Variants in EYA2 observed in about 807,000 individuals in gnomAD.
EYA2 encodes EYA transcriptional coactivator and phosphatase 2.
EYA2 carries 31 observed loss-of-function variants against 69.2 expected under a neutral mutation model. That is an observed-to-expected ratio of 0.45 (90% CI 0.34 to 0.60). The LOEUF (loss-of-function observed/expected upper bound fraction) is 0.60, where lower values mean the gene tolerates loss of function less well. Ranked by LOEUF, EYA2 falls within the 20% of genes least tolerant of loss-of-function variation. The pLI, the probability that EYA2 is intolerant of heterozygous loss-of-function variation, is 0.02. For synonymous variants in EYA2, 257 were observed against 279.4 expected, an observed-to-expected ratio of 0.92 and a Z score of 0.80; for missense variants, 622 against 701.2, an observed-to-expected ratio of 0.89 and a Z score of 1.28.
intron 1 of EYA2, among the ~76,000 whole-genome samples, chr20:46,950,822 T>C (rs1285772661): frequency 2.0e-5 from 3 of 152,064 alleles, no homozygotes; most frequent in African/African-American, 7.2e-5. Flanking sequence ...CCAGTGCCAA[T>C]AGTTCATTTA....
chr20:47,060,449 C>T (rs2030826902), intron 5 of EYA2, among the ~76,000 whole-genome samples: 1 of 152,168 alleles, frequency 6.6e-6, no homozygotes, highest in African/African-American at 2.4e-5. Flanking sequence ...TTCCCAGAAG[C>T]CCCCTTGGCC....
At chr20:46,907,074 A>C (rs6066106) in intron 1 of EYA2, among the ~76,000 whole-genome samples, 1 of 152,114 alleles carries the variant, frequency 6.6e-6, no homozygotes. Context: ...CATTGATGAC[A>C]TGAAAATAAC....
intron 1 of EYA2, among the ~76,000 whole-genome samples, chr20:46,929,419 C>CTT (rs10693379): frequency 0.32 from 47,753 of 148,754 alleles, 8,216 homozygotes; most frequent in South Asian, 0.42. Context: ...TGAGAAGGGG[C>CTT]TTTTTTTTTG....
At chr20:47,022,633 T>C (rs999124155) in intron 5 of EYA2, among the ~76,000 whole-genome samples, 6 of 146,556 alleles carry the variant, frequency 4.1e-5, no homozygotes, top group Non-Finnish European at 7.5e-5. Flanking sequence ...AACTGAGATA[T>C]AACTCACATC....
chr20:47,019,049 TA>T (rs1568727567), intron 5 of EYA2, among the ~76,000 whole-genome samples: 1 of 152,208 alleles, frequency 6.6e-6, no homozygotes, highest in Non-Finnish European at 1.5e-5. Context: ...TTCAGTCACT[TA>T]CCCAAGGTCA....
Position 47,120,781 on chromosome 20 carries a change from C to G in EYA2, c.889-22278C>G, listed in dbSNP as rs80100964. ...GGCACTGAGAGTGCTCTGGAAGGAACGCACACGGTCTGGAGATAGCTAAAG... is the reference window on the plus strand; with the variant it reads ...GGCACTGAGAGTGCTCTGGAAGGAAGGCACACGGTCTGGAGATAGCTAAAG... On this transcript the variant is annotated intron_variant, in intron 9 of 15. Coordinates refer to ENST00000327619, the MANE Select transcript of EYA2 (RefSeq NM_005244.5). Among the ~76,000 whole-genome samples, 403 of 152,044 alleles carry G rather than the reference C, an allele frequency of 2.7e-3. 7 individuals are homozygous for G. Among genetic ancestry groups the G allele is most frequent in the African/African-American group, 9.4e-3 (392 of 41,514 alleles).
intron 1 of EYA2, among the ~76,000 whole-genome samples, chr20:46,920,310 C>CGGT (rs1568667152): frequency 6.6e-6 from 1 of 151,268 alleles, no homozygotes; most frequent in Non-Finnish European, 1.5e-5. Context: ...TGCTTTATTG[C>CGGT]GGTGATCTGG....
chr20:47,090,473 C>G (rs1173710893), intron 8 of EYA2, among the ~76,000 whole-genome samples: 1 of 151,990 alleles, frequency 6.6e-6, no homozygotes, highest in Non-Finnish European at 1.5e-5. Context: ...CTCCTGCCCT[C>G]AACTGACCTA....
chr20:47,047,911 C>T (rs1051566632), intron 5 of EYA2, among the ~76,000 whole-genome samples: 4 of 151,942 alleles, frequency 2.6e-5, no homozygotes, highest in Admixed American at 2.0e-4. Context: ...TAGCCTCTTT[C>T]TCCATCCATC....
chr20:46,907,319 C>T (rs1600532355), intron 1 of EYA2, among the ~76,000 whole-genome samples: 1 of 152,190 alleles, frequency 6.6e-6, no homozygotes, highest in East Asian at 1.9e-4. Flanking sequence ...CCAAAGAGAC[C>T]GGCTTTCCAT....
At chr20:47,001,247 C>T (rs75733540) in intron 2 of EYA2, among the ~76,000 whole-genome samples, 181 bp from the exon 3 acceptor site, 8,094 of 151,994 alleles carry the variant, frequency 0.053, 660 homozygotes, top group African/African-American at 0.17. Flanking sequence ...GAAAGGGCTC[C>T]GAACTCCTCA....
chr20:47,130,360 G>A (rs867416909), intron 9 of EYA2, among the ~76,000 whole-genome samples: 49 of 132,674 alleles, frequency 3.7e-4, no homozygotes, highest in African/African-American at 1.4e-3. Flanking sequence ...CGCCTCCCAG[G>A]TTCACGCCAT....
At position 47,086,918 on chromosome 20, in the gene EYA2, TG is replaced by T. The variant is rs370267774; in HGVS notation, c.662-2313del. Reference sequence around the variant, plus strand: ...TCTTTTTAATATTTGCCTGTTTTAATGGGGGGGGCAAACAAATGTTTTCTAA... The same window carrying T: ...TCTTTTTAATATTTGCCTGTTTTAATGGGGGGGCAAACAAATGTTTTCTAA... On this transcript the variant is annotated intron_variant, in intron 7 of 15. Transcript: ENST00000327619. 3.3e-3 allele frequency among the ~76,000 whole-genome samples: 466 copies of T among 142,716 alleles called. 3 individuals are homozygous for T. The highest frequency in any genetic ancestry group is 0.011 in the African/African-American group (439 of 40,182). The allele number at this position is 142,716 out of a possible 152,430, so 93.6% of individuals were successfully genotyped here. A position where few individuals can be genotyped will look rare whatever the true frequency, so the allele number is the denominator to read the frequency against.
intron 14 of EYA2, 61 bp from the exon 15 acceptor site, chr20:47,183,230 T>C: frequency 3.3e-6 from 5 of 1,497,576 alleles, no homozygotes; most frequent in Non-Finnish European, 4.6e-6. Flanking sequence ...AATGAGCGGG[T>C]ATTGGCTGCA....
intron 5 of EYA2, among the ~76,000 whole-genome samples, chr20:47,020,954 C>T (rs753146438): frequency 6.6e-6 from 1 of 152,202 alleles, no homozygotes; most frequent in Admixed American, 6.5e-5. Context: ...CCTCCAAATA[C>T]GGCTGCAAAC....
chr20:47,035,201 A>G (rs1984630721), intron 5 of EYA2, among the ~76,000 whole-genome samples: 1 of 152,140 alleles, frequency 6.6e-6, no homozygotes, highest in Admixed American at 6.5e-5. Flanking sequence ...GCAAAAATTG[A>G]AACCACCCTA....
Position 47,172,768 on chromosome 20 carries a change from G to T in EYA2, c.1099G>T (p.Gly367Cys). The change falls in exon 12 of 16, where the codon GGC becomes TGC. Residue 367 changes from glycine to cysteine, a missense_variant. Transcript: ENST00000327619. ...GGCCCCAGGAGCCAACCTGTGCCTG[G>T]GCTCTGGCGTGCACGGCGGCGTGGA... ...SSAPGANLCL[G>C]SGVHGGVDWM... The T allele has an allele frequency of 6.2e-7, 1 of 1,614,140 alleles. No individual in the cohort carries two copies. The highest frequency in any genetic ancestry group is 8.5e-7 in the Non-Finnish European group (1 of 1,180,022).
At chr20:47,178,438 G>A (rs918283983) in intron 12 of EYA2, among the ~76,000 whole-genome samples, 1 of 151,844 alleles carries the variant, frequency 6.6e-6, no homozygotes, top group Admixed American at 6.6e-5. Context: ...CTGAAATGAG[G>A]TGTGCAAAGG....
chr20:47,114,149 C>A (rs1367595860), intron 9 of EYA2, among the ~76,000 whole-genome samples: 4 of 152,244 alleles, frequency 2.6e-5, no homozygotes, highest in Non-Finnish European at 5.9e-5. Context: ...ACACACCATC[C>A]TCTCATCCCT....
Sources: allele counts gnomAD v4.1 joint callset (sites outside exome capture counted in the v4.1 genomes callset), GRCh38; gene constraint gnomAD v4.1.1; transcripts MANE v1.5; gene names NCBI Gene and HGNC (gene_info 2026-07-23, HGNC 2026-07-21).